The following WDR12 variants were observed in gnomAD, a reference collection of about 807,000 sequenced individuals.
The protein encoded by WDR12 is WD repeat domain 12.
A neutral mutation model predicts 64.3 loss-of-function variants in WDR12; 42 were observed. The ratio of observed to expected loss-of-function variants is 0.65; its 90% CI spans 0.51 to 0.84. WDR12 has a LOEUF of 0.84. Among genes scored for constraint, WDR12 ranks in the 40% least tolerant of loss-of-function variants. The pLI, the probability that WDR12 is intolerant of heterozygous loss-of-function variation, is 0.00. For synonymous variants in WDR12, 158 were observed against 173.3 expected (o/e 0.91, Z 0.70); for missense variants, 469 against 494.6 (o/e 0.95, Z 0.49).
intron 1 of WDR12, among the ~76,000 whole-genome samples, chr2:202,909,584 G>C (rs961745714): frequency 6.6e-6 from 1 of 152,004 alleles, no homozygotes; most frequent in Non-Finnish European, 1.5e-5. Context: ...AATTGACTGT[G>C]GTGATGGTTG....
At chr2:202,882,191 A>G (rs1351179810) in intron 12 of WDR12, among the ~76,000 whole-genome samples, 1 of 152,046 alleles carries the variant, frequency 6.6e-6, no homozygotes, top group African/African-American at 2.4e-5. Flanking sequence ...TCCCTCCCAA[A>G]GTGGTAGGAT....
chr2:202,907,920 G>A lies in WDR12; in HGVS notation c.81C>T (p.Ala27=). The change falls in exon 2 of 13, where the codon GCC becomes GCT. Residue 27 remains alanine (A), a synonymous_variant. Coordinates refer to ENST00000261015, the MANE Select transcript of WDR12 (RefSeq NM_018256.4). The part of the protein sequence containing the change: ...VDDVPFSIPA[A]SEIADLSNII... ...TGTTACTAAGGTCGGCAATTTCAGA[G>A]GCAGCAGGGATTGAGAAGGGAACAT... is the stretch of plus-strand genomic sequence containing the variant. 1 of 1,613,988 alleles carries A rather than the reference G, an allele frequency of 6.2e-7. No individual in the cohort carries two copies. Among genetic ancestry groups the A allele is most frequent in the Non-Finnish European group, 8.5e-7 (1 of 1,179,980 alleles).
chr2:202,900,205 C>T (rs1370454719), intron 3 of WDR12, among the ~76,000 whole-genome samples: 1 of 151,846 alleles, frequency 6.6e-6, no homozygotes, highest in South Asian at 2.1e-4. Flanking sequence ...TGGCAGATGC[C>T]TGCAATCCCA....
In WDR12 at chr2:202,875,386, CT is replaced by C. The variant is rs775268192; in HGVS notation, c.*5473del. ...AAATGTCACTTAAATTTATGTATTACTTTTTTTTTTTTTTTTTTTGAGACGG... is the reference window on the plus strand; with the variant it reads ...AAATGTCACTTAAATTTATGTATTACTTTTTTTTTTTTTTTTTTGAGACGG... On this transcript the variant is annotated 3_prime_UTR_variant, in exon 13 of 13. Coordinates refer to ENST00000261015, the MANE Select transcript of WDR12 (RefSeq NM_018256.4). The C allele has an allele frequency of 3.8e-3, 508 of 133,358 alleles. No homozygotes were observed. The highest frequency in any genetic ancestry group is 9.7e-3 in the African/African-American group (364 of 37,350). 8.3% of individuals were successfully genotyped at this position (133,358 alleles called of 1,614,324 possible).
intron 5 of WDR12, among the ~76,000 whole-genome samples, chr2:202,897,099 T>G (rs1421324164): frequency 6.6e-6 from 1 of 152,212 alleles, no homozygotes; most frequent in Non-Finnish European, 1.5e-5. Context: ...TGATGTAATT[T>G]TAATAAAGAT....
intron 4 of WDR12, among the ~76,000 whole-genome samples, chr2:202,899,046 T>TG (rs1318698437): frequency 7.6e-5 from 10 of 131,840 alleles, no homozygotes; most frequent in African/African-American, 2.3e-4. Context: ...TTTTTTTTTT[T>TG]TTTTTTTTTT....
At chr2:202,886,389 T>C (rs1383721443) in intron 8 of WDR12, among the ~76,000 whole-genome samples, 1 of 152,004 alleles carries the variant, frequency 6.6e-6, no homozygotes, top group Non-Finnish European at 1.5e-5. Context: ...ACCTGGGACG[T>C]GGAGGTTGCC....
intron 6 of WDR12, among the ~76,000 whole-genome samples, chr2:202,895,051 C>CA (rs1168448884): frequency 2.0e-5 from 3 of 152,006 alleles, no homozygotes; most frequent in Non-Finnish European, 2.9e-5. Context: ...TCTCCTTAAC[C>CA]AAAAAGAAGA....
Position 202,901,086 on chromosome 2 carries a change from A to C in WDR12, c.170T>G (p.Ile57Ser), listed in dbSNP as rs151256595. The change falls in exon 3 of 13, where the codon ATT (isoleucine) becomes AGT (serine). Residue 57 changes from isoleucine (I) to serine (S), a missense_variant. By Grantham distance (142) the Ile-to-Ser change is moderately radical (BLOSUM62 -2). Transcript: ENST00000261015. ...FHKHVEFDFL[I>S]KGQFLRMPLD... ...GGGCATTCGCAGAAACTGGCCCTTAATAAGGAAATCAAACTCCACATGTTT... is the reference window on the plus strand; with the variant it reads ...GGGCATTCGCAGAAACTGGCCCTTACTAAGGAAATCAAACTCCACATGTTT... 6.2e-7 allele frequency: 1 copy of C among 1,601,358 alleles called. No individual in the cohort carries two copies. Among genetic ancestry groups the C allele is most frequent in the Non-Finnish European group, 8.5e-7 (1 of 1,171,206 alleles).
chr2:202,909,476 A>T (rs1183708105), intron 1 of WDR12, among the ~76,000 whole-genome samples: 1 of 152,184 alleles, frequency 6.6e-6, no homozygotes, highest in Non-Finnish European at 1.5e-5. Flanking sequence ...AAACGTCCAG[A>T]AGAGAGAAAG....
intron 8 of WDR12, among the ~76,000 whole-genome samples, chr2:202,885,308 G>A (rs1688026403): frequency 2.0e-5 from 3 of 152,158 alleles, no homozygotes; most frequent in East Asian, 1.9e-4. Context: ...TTCATGTAAC[G>A]TGTTGCGTGT....
intron 6 of WDR12, 163 bp from the exon 7 acceptor site, chr2:202,894,789 C>G: frequency 7.8e-6 from 4 of 512,048 alleles, no homozygotes; most frequent in South Asian, 7.8e-5. Context: ...AACATAAAAT[C>G]TGGGAAATCT....
At chr2:202,889,677 G>A (rs908649577) in intron 8 of WDR12, among the ~76,000 whole-genome samples, 1 of 151,046 alleles carries the variant, frequency 6.6e-6, no homozygotes, top group Non-Finnish European at 1.5e-5. Flanking sequence ...CACTTTGGAA[G>A]GCCGAGGTGG....
intron 8 of WDR12, among the ~76,000 whole-genome samples, chr2:202,887,441 A>C (rs183188337): frequency 1.3e-5 from 2 of 152,164 alleles, no homozygotes; most frequent in Non-Finnish European, 2.9e-5. Flanking sequence ...TAATTTGCCA[A>C]CTCCTAGACC....
rs1687864243 is a variant in WDR12, at chr2:202,876,673, T to C, written c.*4187A>G. The C allele has an allele frequency of 6.6e-6, 1 of 152,212 alleles. No homozygotes were observed. The highest frequency in any genetic ancestry group is 6.5e-5 in the Admixed American group (1 of 15,282). 9.4% of individuals were successfully genotyped at this position (152,212 alleles called of 1,614,324 possible). On this transcript the variant is annotated 3_prime_UTR_variant, in exon 13 of 13. Coordinates refer to ENST00000261015, the MANE Select transcript of WDR12 (RefSeq NM_018256.4). Reference sequence around the variant, plus strand: ...GTATTTTTGGCCAGGCACAGTGGCATGCCTATAATCCGAGCACTTAGGGAG... The same window carrying C: ...GTATTTTTGGCCAGGCACAGTGGCACGCCTATAATCCGAGCACTTAGGGAG...
chr2:202,908,624 C>T (rs1358916506), intron 1 of WDR12, among the ~76,000 whole-genome samples: 1 of 152,220 alleles, frequency 6.6e-6, no homozygotes, highest in Non-Finnish European at 1.5e-5. Flanking sequence ...TAAAGAGATA[C>T]ACATGGAGTG....
At position 202,882,991 on chromosome 2, in the gene WDR12, T is replaced by C. The variant is rs1553540398; in HGVS notation, c.1122-208A>G. 3 of 471,152 alleles carry C rather than the reference T, an allele frequency of 6.4e-6. No individual in the cohort carries two copies. In the South Asian group the frequency reaches 9.7e-5, roughly 15 times the overall value. The allele number at this position is 471,152 out of a possible 1,614,324, so 29.2% of individuals were successfully genotyped here. The stretch of plus-strand genomic sequence containing the variant: ...ACAGACATTTATTATAACAAATATA[T>C]TCAGAAAAAAATGTTATTTCATTTT... On this transcript the variant is annotated intron_variant, in intron 11 of 12. Coordinates refer to ENST00000261015, the MANE Select transcript of WDR12 (RefSeq NM_018256.4).
intron 12 of WDR12, among the ~76,000 whole-genome samples, chr2:202,881,306 C>T (rs1235160241): frequency 6.6e-6 from 1 of 151,988 alleles, no homozygotes; most frequent in African/African-American, 2.4e-5. Flanking sequence ...TAGCCCTAGG[C>T]CTTATATTTG....
intron 1 of WDR12, among the ~76,000 whole-genome samples, 170 bp from the exon 2 acceptor site, chr2:202,908,129 G>T (rs949537809): frequency 6.6e-6 from 1 of 152,176 alleles, no homozygotes; most frequent in Non-Finnish European, 1.5e-5. Context: ...CTAAGATGAG[G>T]TTGAAGTTTA....
Sources: gnomAD v4.1 joint callset for allele counts (sites outside exome capture counted in the v4.1 genomes callset) on GRCh38, gnomAD v4.1.1 for gene constraint, MANE v1.5 for transcripts, NCBI Gene and HGNC (gene_info 2026-07-23, HGNC 2026-07-21) for gene names.